The following ZFHX3 variants were observed in gnomAD, a reference collection of about 807,000 sequenced individuals.
ZFHX3 encodes the protein zinc finger homeobox protein 3.
Under a neutral mutation model 279.1 loss-of-function variants are expected in ZFHX3, and 42 were observed. The ratio of observed to expected loss-of-function variants is 0.15; its 90% CI spans 0.12 to 0.19. The LOEUF (loss-of-function observed/expected upper bound fraction) is 0.19. ZFHX3 is among the 10% of genes least tolerant of loss of function. The pLI, the probability that ZFHX3 is intolerant of heterozygous loss-of-function variation, is 1.00. For synonymous variants in ZFHX3, 2,293 were observed against 1,957.8 expected, an observed-to-expected ratio of 1.17 and a Z score of -4.52; for missense variants, 4,981 against 4,754.0, an observed-to-expected ratio of 1.05 and a Z score of -1.40.
chr16:73,842,165 G>A (rs1009047917), intron 1 of ZFHX3, among the ~76,000 whole-genome samples: 2 of 151,894 alleles, frequency 1.3e-5, no homozygotes, highest in East Asian at 1.9e-4. Flanking sequence ...GCAGTGAGCC[G>A]AGATTGCACC....
intron 2 of ZFHX3, among the ~76,000 whole-genome samples, chr16:73,509,093 C>T (rs2019378157): frequency 6.6e-6 from 1 of 152,214 alleles, no homozygotes; most frequent in Non-Finnish European, 1.5e-5. Flanking sequence ...AAGGTCTTCC[C>T]TCCTTTGGCA....
At chr16:72,894,657 A>G (rs2038853073) in intron 3 of ZFHX3, among the ~76,000 whole-genome samples, 1 of 152,224 alleles carries the variant, frequency 6.6e-6, no homozygotes, top group Admixed American at 6.5e-5. Flanking sequence ...TGACCCAGCT[A>G]ATTAGAATAC....
At chr16:73,077,205 A>G (rs1455736420) in intron 8 of ZFHX3, among the ~76,000 whole-genome samples, 2 of 152,190 alleles carry the variant, frequency 1.3e-5, no homozygotes, top group East Asian at 1.9e-4. Flanking sequence ...GCTAAATAAA[A>G]TATAGATTAT....
At chr16:73,163,160 G>A (rs187394989) in intron 5 of ZFHX3, among the ~76,000 whole-genome samples, 1 of 152,292 alleles carries the variant, frequency 6.6e-6, no homozygotes, top group African/African-American at 2.4e-5. Flanking sequence ...GATTGCCTAA[G>A]TCCATCTATT....
intron 5 of ZFHX3, among the ~76,000 whole-genome samples, chr16:72,814,611 T>C (rs922447744): frequency 9.5e-5 from 1 of 10,546 alleles, no homozygotes; most frequent in Admixed American, 1.2e-3. Context: ...GGGAACTTCT[T>C]TTTTTTTTTT....
At chr16:72,831,150 T>C (rs2037051562) in intron 4 of ZFHX3, among the ~76,000 whole-genome samples, 1 of 152,188 alleles carries the variant, frequency 6.6e-6, no homozygotes. Context: ...AGCCTCTAAA[T>C]GTATCTCACG....
At chr16:72,987,232 C>T (rs73594705) in intron 1 of ZFHX3, among the ~76,000 whole-genome samples, 20,562 of 152,168 alleles carry the variant, frequency 0.14, 1,680 homozygotes, top group East Asian at 0.37. Flanking sequence ...AAGGCAAGCA[C>T]CCATCCCTCA....
intron 8 of ZFHX3, among the ~76,000 whole-genome samples, chr16:73,067,809 C>CGGG (rs1436736261): frequency 6.6e-6 from 1 of 152,102 alleles, no homozygotes; most frequent in Non-Finnish European, 1.5e-5. Context: ...AGGAGGCAGG[C>CGGG]GGGGGATTGT....
intron 1 of ZFHX3, among the ~76,000 whole-genome samples, chr16:73,839,905 T>C (rs1961255833): frequency 6.6e-6 from 1 of 152,220 alleles, no homozygotes; most frequent in Non-Finnish European, 1.5e-5. Context: ...AGGTTCTTCC[T>C]GCTGGTCTTG....
At chr16:72,841,820 C>T (rs147982259) in intron 4 of ZFHX3, among the ~76,000 whole-genome samples, 1 of 152,156 alleles carries the variant, frequency 6.6e-6, no homozygotes, top group East Asian at 1.9e-4. Context: ...CTCTCAAGGC[C>T]CAAAAACACA....
rs141005043 is a variant in ZFHX3, at chr16:73,449,882, C to CAA, written c.-1291+6119_-1291+6120dup. Among the ~76,000 whole-genome samples, 1,232 of 149,814 alleles carry CAA rather than the reference C, an allele frequency of 8.2e-3. 13 individuals carry two copies. The highest frequency in any genetic ancestry group is 0.028 in the African/African-American group (1,152 of 41,132). On this transcript the variant is annotated intron_variant, in intron 3 of 17. Coordinates refer to the ZFHX3 transcript ENST00000641206. ...AGATTGTTTCAGAACTATATTCTGG[C>CAA]AAAAAAAAATGTTTTCTTCTGAGGA...
intron 8 of ZFHX3, among the ~76,000 whole-genome samples, chr16:73,077,690 T>G (rs915062263): frequency 2.6e-5 from 4 of 152,184 alleles, no homozygotes; most frequent in Non-Finnish European, 4.4e-5. Context: ...TCCCATAGAT[T>G]TAGGTGTTAG....
At chr16:73,781,375 C>T (rs577921102) in intron 1 of ZFHX3, among the ~76,000 whole-genome samples, 2 of 152,274 alleles carry the variant, frequency 1.3e-5, no homozygotes, top group African/African-American at 2.4e-5. Context: ...TCCCAGGTCA[C>T]GTTGCTGCTA....
At chr16:73,305,654 G>C (rs1296511340) in intron 4 of ZFHX3, among the ~76,000 whole-genome samples, 1 of 151,800 alleles carries the variant, frequency 6.6e-6, no homozygotes. Flanking sequence ...AAAACTCACC[G>C]ATGCCCAGGA....
intron 3 of ZFHX3, among the ~76,000 whole-genome samples, chr16:73,372,073 T>A (rs1004472116): frequency 2.6e-5 from 4 of 152,236 alleles, no homozygotes; most frequent in Non-Finnish European, 4.4e-5. Flanking sequence ...TAAAAGTCTA[T>A]GTACACAATG....
At chr16:73,132,395 T>C (rs1966703018) in intron 6 of ZFHX3, among the ~76,000 whole-genome samples, 1 of 152,126 alleles carries the variant, frequency 6.6e-6, no homozygotes, top group Non-Finnish European at 1.5e-5. Context: ...GATCCTGGGA[T>C]TGTCTGGAAT....
intron 2 of ZFHX3, among the ~76,000 whole-genome samples, chr16:73,645,352 G>C (rs1459129962): frequency 2.0e-5 from 3 of 152,134 alleles, no homozygotes; most frequent in African/African-American, 4.8e-5. Flanking sequence ...CACCACCCGG[G>C]TTCATGCCAT....
chr16:73,184,265 C>T (rs1295394055), intron 5 of ZFHX3, among the ~76,000 whole-genome samples: 1 of 152,208 alleles, frequency 6.6e-6, no homozygotes, highest in African/African-American at 2.4e-5. Context: ...GGGGCCCACA[C>T]CTCTACTTTC....
chr16:73,885,212 T>C (rs2142417617), intron 1 of ZFHX3, among the ~76,000 whole-genome samples: 1 of 152,208 alleles, frequency 6.6e-6, no homozygotes, highest in East Asian at 1.9e-4. Flanking sequence ...AACCTATTTT[T>C]CCCTTTGACT....
Sources: gnomAD v4.1 joint callset for allele counts (sites outside exome capture counted in the v4.1 genomes callset) on GRCh38, gnomAD v4.1.1 for gene constraint, MANE v1.5 for transcripts, NCBI Gene and HGNC (gene_info 2026-07-23, HGNC 2026-07-21) for gene names.